KCNQ5: variants seen among roughly 807,000 people sequenced by gnomAD.
KCNQ5 encodes the protein potassium voltage-gated channel subfamily Q member 5.
A neutral mutation model predicts 98.2 loss-of-function variants in KCNQ5; 30 were observed. That is an observed-to-expected ratio of 0.31 (90% CI 0.23 to 0.41). The LOEUF (loss-of-function observed/expected upper bound fraction) is 0.41. Ranked by LOEUF, KCNQ5 falls within the 10% of genes least tolerant of loss-of-function variation. The probability of loss-of-function intolerance (pLI) is 1.00; values close to 1 mark genes in which losing one functional copy is unlikely to be tolerated. For missense variants in KCNQ5, 835 were observed against 1,182.5 expected (o/e 0.71, Z 4.31); for synonymous variants, 458 against 449.4 (o/e 1.02, Z -0.24).
At chr6:72,972,709 C>T (rs374369380) in intron 1 of KCNQ5, among the ~76,000 whole-genome samples, 1 of 152,076 alleles carries the variant, frequency 6.6e-6, no homozygotes, top group African/African-American at 2.4e-5. Context: ...TGTATAAGTG[C>T]CTGGTGGTTA....
intron 10 of KCNQ5, among the ~76,000 whole-genome samples, chr6:73,163,416 TA>T (rs938531475): frequency 6.6e-6 from 1 of 151,866 alleles, no homozygotes; most frequent in African/African-American, 2.4e-5. Flanking sequence ...TAATAATCAA[TA>T]ACCATACATC....
At chr6:73,180,369 C>G (rs1206346362) in intron 11 of KCNQ5, among the ~76,000 whole-genome samples, 2 of 152,150 alleles carry the variant, frequency 1.3e-5, no homozygotes, top group Non-Finnish European at 1.5e-5. Flanking sequence ...CAAGGTAATC[C>G]TTTGAAAAAT....
At chr6:72,800,800 T>C (rs948225888) in intron 1 of KCNQ5, among the ~76,000 whole-genome samples, 1 of 152,230 alleles carries the variant, frequency 6.6e-6, no homozygotes, top group African/African-American at 2.4e-5. Context: ...GCTTTGAATG[T>C]GTCCCAGAGA....
At chr6:72,870,304 T>A (rs1778150701) in intron 1 of KCNQ5, among the ~76,000 whole-genome samples, 1 of 152,156 alleles carries the variant, frequency 6.6e-6, no homozygotes, top group East Asian at 1.9e-4. Flanking sequence ...AGACAAGCTC[T>A]CTCTCTGTCA....
intron 1 of KCNQ5, among the ~76,000 whole-genome samples, chr6:72,738,489 G>A (rs1159980637): frequency 6.6e-6 from 1 of 151,954 alleles, no homozygotes; most frequent in Non-Finnish European, 1.5e-5. Context: ...AACAGTATGC[G>A]AATAAACTGG....
At chr6:72,731,718 A>G (rs753072534) in intron 1 of KCNQ5, among the ~76,000 whole-genome samples, 17 of 152,192 alleles carry the variant, frequency 1.1e-4, no homozygotes, top group Non-Finnish European at 2.2e-4. Context: ...TCTGTCACTC[A>G]TCTCCTCCTT....
chr6:72,864,248 T>C (rs1777883662), intron 1 of KCNQ5, among the ~76,000 whole-genome samples: 1 of 152,196 alleles, frequency 6.6e-6, no homozygotes, highest in African/African-American at 2.4e-5. Context: ...CCTCCAATGC[T>C]ACCTGACTCT....
chr6:73,155,814 T>A (rs1365256710), intron 10 of KCNQ5, among the ~76,000 whole-genome samples: 4 of 152,174 alleles, frequency 2.6e-5, no homozygotes, highest in African/African-American at 4.8e-5. Flanking sequence ...ATTACTATTA[T>A]AATGAGAGAA....
rs1219877866 is a variant in KCNQ5, at chr6:72,658,578, AT to A, written c.398+36011del. Reference sequence around the variant, plus strand: ...TTAAAGGATATATATATATATATATATTTTTTTTTTTTTTTTTTTTGAGACA... The same window carrying A: ...TTAAAGGATATATATATATATATATATTTTTTTTTTTTTTTTTTTGAGACA... On this transcript the variant is annotated intron_variant, in intron 1 of 13. Coordinates refer to ENST00000370398, the MANE Select transcript of KCNQ5 (RefSeq NM_019842.4). Among the ~76,000 whole-genome samples the A allele has an allele frequency of 6.8e-3, 519 of 76,320 alleles. 2 individuals carry two copies. The highest frequency in any genetic ancestry group is 0.016 in the East Asian group (56 of 3,602). 50.1% of individuals were successfully genotyped at this position (76,320 alleles called of 152,430 possible).
At chr6:73,058,771 G>C (rs6907158) in intron 3 of KCNQ5, among the ~76,000 whole-genome samples, 1 of 152,170 alleles carries the variant, frequency 6.6e-6, no homozygotes, top group Non-Finnish European at 1.5e-5. Flanking sequence ...ACAGACACTT[G>C]TAAAAGAAGA....
intron 1 of KCNQ5, among the ~76,000 whole-genome samples, chr6:72,868,670 A>G (rs953570649): frequency 6.6e-6 from 1 of 152,202 alleles, no homozygotes; most frequent in African/African-American, 2.4e-5. Flanking sequence ...GTAGAGCACA[A>G]TCATGGGAAA....
At chr6:73,052,107 C>T (rs140590233) in intron 3 of KCNQ5, among the ~76,000 whole-genome samples, 13 of 152,252 alleles carry the variant, frequency 8.5e-5, no homozygotes, top group South Asian at 2.1e-4. Context: ...ACAAATATAA[C>T]AGCAGAATCG....
intron 1 of KCNQ5, chr6:72,987,196 A>C: frequency 2.9e-6 from 2 of 687,174 alleles, no homozygotes; most frequent in Non-Finnish European, 5.5e-6. Context: ...ATCATTGAGG[A>C]GCCGGCTCTG....
At chr6:73,044,266 G>GT (rs1412375092) in intron 3 of KCNQ5, among the ~76,000 whole-genome samples, 1 of 152,156 alleles carries the variant, frequency 6.6e-6, no homozygotes, top group Non-Finnish European at 1.5e-5. Flanking sequence ...AGTAAAAAGA[G>GT]TAAGACCCTG....
chr6:73,017,884 C>A (rs1047135618), intron 2 of KCNQ5, among the ~76,000 whole-genome samples: 2 of 152,088 alleles, frequency 1.3e-5, no homozygotes, highest in Non-Finnish European at 2.9e-5. Context: ...CAGACCAAAA[C>A]AGCTCTCAGG....
intron 1 of KCNQ5, among the ~76,000 whole-genome samples, chr6:72,826,957 A>G (rs918530841): frequency 2.0e-5 from 3 of 152,100 alleles, no homozygotes; most frequent in African/African-American, 7.2e-5. Flanking sequence ...GCTTCTGCAC[A>G]TGGGTGAGAA....
chr6:73,107,226 C>T (rs1775040027), intron 6 of KCNQ5, among the ~76,000 whole-genome samples: 1 of 152,176 alleles, frequency 6.6e-6, no homozygotes, highest in African/African-American at 2.4e-5. Context: ...AGGTAGGCAA[C>T]CTCTGGGCTG....
chr6:72,807,388 T>G (rs562169189), intron 1 of KCNQ5, among the ~76,000 whole-genome samples: 1 of 152,306 alleles, frequency 6.6e-6, no homozygotes, highest in African/African-American at 2.4e-5. Flanking sequence ...TTCAAGAGGG[T>G]TAAATTCTAT....
At chr6:73,188,290 G>A (rs1217481005) in intron 11 of KCNQ5, among the ~76,000 whole-genome samples, 2 of 152,152 alleles carry the variant, frequency 1.3e-5, no homozygotes. Context: ...AATATAAATA[G>A]GAGAAAGGAA....
Sources: allele counts gnomAD v4.1 joint callset (sites outside exome capture counted in the v4.1 genomes callset), GRCh38; gene constraint gnomAD v4.1.1; transcripts MANE v1.5; gene names NCBI Gene and HGNC (gene_info 2026-07-23, HGNC 2026-07-21).